NELL1: variants seen among roughly 807,000 people sequenced by gnomAD.
NELL1 encodes the protein neural EGFL like 1, also known as protein kinase C-binding protein NELL1.
A neutral mutation model predicts 107.4 loss-of-function variants in NELL1; 76 were observed. That is an observed-to-expected ratio of 0.71 (90% confidence interval 0.59 to 0.86). NELL1 has a LOEUF of 0.86. NELL1 is among the 40% of genes least tolerant of loss of function. The pLI is 0.00. For missense variants in NELL1, 1,024 were observed against 1,005.5 expected (o/e 1.02, Z -0.25); for synonymous variants, 353 against 341.2 (o/e 1.03, Z -0.38).
At position 20,976,138 on chromosome 11, in the gene NELL1, TAC is replaced by T. The variant is rs374623270; in HGVS notation, c.1300+15584_1300+15585del. Reference sequence around the variant, plus strand: ...CATATATGTATTATGTATACACATGTACACACATGTATATATATACACACATT... The same window carrying T: ...CATATATGTATTATGTATACACATGTACACATGTATATATATACACACATT... On this transcript the variant is annotated intron_variant, in intron 12 of 19. Transcript: ENST00000357134. Among the ~76,000 whole-genome samples the T allele has an allele frequency of 3.5e-4, 37 of 104,414 alleles. 1 individual carries two copies. In the East Asian group the frequency reaches 8.9e-3, roughly 25 times the overall value. The allele number at this position is 104,414 out of a possible 152,430, so 68.5% of individuals were successfully genotyped here.
chr11:20,681,859 G>A (rs1488386816), intron 2 of NELL1, among the ~76,000 whole-genome samples: 1 of 151,980 alleles, frequency 6.6e-6, no homozygotes, highest in Non-Finnish European at 1.5e-5. Flanking sequence ...GGCTGCATCA[G>A]TCCAAGGTCG....
intron 3 of NELL1, among the ~76,000 whole-genome samples, chr11:20,795,791 T>A (rs890484696): frequency 5.9e-5 from 9 of 152,118 alleles, no homozygotes; most frequent in African/African-American, 2.2e-4. Flanking sequence ...CTTTTTTTTT[T>A]AAACAAAATT....
At position 21,565,926 on chromosome 11, in the gene NELL1, G is replaced by T. The variant is rs1856961931; in HGVS notation, c.1981-4838G>T. The stretch of plus-strand genomic sequence containing the variant: ...AAGATTGGAAATCACAGCTCAATTT[G>T]TGTGTGAGAAAGTAGAATAGGTGCG... On this transcript the variant is annotated intron_variant, in intron 17 of 19. Transcript: ENST00000357134. Among the ~76,000 whole-genome samples, 4 of 151,922 alleles carry T rather than the reference G, an allele frequency of 2.6e-5. No individual in the cohort carries two copies. The South Asian group carries it at 8.3e-4, about 31-fold the overall frequency.
chr11:20,704,883 G>A (rs573208331), intron 2 of NELL1, among the ~76,000 whole-genome samples: 3 of 152,238 alleles, frequency 2.0e-5, no homozygotes, highest in South Asian at 2.1e-4. Context: ...CAAACAGAGA[G>A]CCAAATCATG....
chr11:21,418,467 T>A (rs779228274), intron 15 of NELL1, among the ~76,000 whole-genome samples: 7 of 152,004 alleles, frequency 4.6e-5, no homozygotes, highest in Non-Finnish European at 1.0e-4. Flanking sequence ...AATAAATAAA[T>A]CAAAATAGAA....
chr11:20,877,772 T>A (rs746511567), intron 4 of NELL1, among the ~76,000 whole-genome samples: 8 of 152,176 alleles, frequency 5.3e-5, no homozygotes, highest in Non-Finnish European at 1.0e-4. Context: ...TGGTATTATA[T>A]TAGAAATGAG....
chr11:21,184,351 C>T (rs886719171), intron 13 of NELL1, among the ~76,000 whole-genome samples: 1 of 151,734 alleles, frequency 6.6e-6, no homozygotes, highest in Non-Finnish European at 1.5e-5. Context: ...TCACTGCAAC[C>T]TCCGCCTCCT....
chr11:20,739,165 G>T (rs1043659461), intron 2 of NELL1, among the ~76,000 whole-genome samples: 1 of 152,234 alleles, frequency 6.6e-6, no homozygotes, highest in African/African-American at 2.4e-5. Context: ...TCTGTTGGAC[G>T]CACTGCCTGA....
At chr11:20,937,070 G>C (rs1346588701) in intron 9 of NELL1, among the ~76,000 whole-genome samples, 1 of 152,194 alleles carries the variant, frequency 6.6e-6, no homozygotes, top group Non-Finnish European at 1.5e-5. Flanking sequence ...ATATCAAATT[G>C]ACATATGCTG....
chr11:21,485,841 C>G (rs574758322), intron 15 of NELL1, among the ~76,000 whole-genome samples: 2 of 152,062 alleles, frequency 1.3e-5, no homozygotes, highest in East Asian at 3.9e-4. Context: ...GACATCCAGG[C>G]GCCTGCAGAT....
intron 2 of NELL1, among the ~76,000 whole-genome samples, chr11:20,744,082 C>T (rs1855949267): frequency 1.3e-5 from 2 of 152,278 alleles, no homozygotes; most frequent in Admixed American, 1.3e-4. Flanking sequence ...AATTAGATCA[C>T]ATCTCACTGT....
chr11:20,746,162 G>T (rs1258669331), intron 2 of NELL1, among the ~76,000 whole-genome samples: 2 of 152,198 alleles, frequency 1.3e-5, no homozygotes, highest in Admixed American at 6.5e-5. Flanking sequence ...GACTGTGGTT[G>T]CAGATACTCC....
At chr11:20,678,464 T>C (rs1020542121) in intron 2 of NELL1, among the ~76,000 whole-genome samples, 3 of 152,206 alleles carry the variant, frequency 2.0e-5, no homozygotes, top group African/African-American at 7.2e-5. Context: ...GGAAAACTTA[T>C]GGCTGCATTC....
chr11:21,558,173 T>C (rs1287682220), intron 16 of NELL1, among the ~76,000 whole-genome samples: 1 of 151,820 alleles, frequency 6.6e-6, no homozygotes, highest in Admixed American at 6.6e-5. Context: ...TCATTCCCTA[T>C]AGGACAAGAA....
At chr11:21,506,017 A>C (rs1201461069) in intron 15 of NELL1, among the ~76,000 whole-genome samples, 1 of 152,232 alleles carries the variant, frequency 6.6e-6, no homozygotes, top group Non-Finnish European at 1.5e-5. Context: ...AGAGTCTCAT[A>C]ATATGATACC....
chr11:21,477,298 C>G (rs1854361897), intron 15 of NELL1, among the ~76,000 whole-genome samples: 2 of 152,104 alleles, frequency 1.3e-5, no homozygotes, highest in African/African-American at 4.8e-5. Context: ...AAGCAGAGTC[C>G]TGATGCCCAC....
At chr11:21,538,837 GTCAA>G (rs1033858789) in intron 16 of NELL1, among the ~76,000 whole-genome samples, 4 of 152,154 alleles carry the variant, frequency 2.6e-5, no homozygotes, top group African/African-American at 4.8e-5. Flanking sequence ...TCCTCGGAAT[GTCAA>G]TCAGTTTCCA....
intron 15 of NELL1, among the ~76,000 whole-genome samples, chr11:21,465,402 A>G (rs964960127): frequency 6.6e-6 from 1 of 152,104 alleles, no homozygotes; most frequent in African/African-American, 2.4e-5. Flanking sequence ...TCTTTTTACT[A>G]TGCAACCTGC....
intron 12 of NELL1, among the ~76,000 whole-genome samples, chr11:20,964,839 A>G (rs1036817901): frequency 6.6e-6 from 1 of 152,106 alleles, no homozygotes; most frequent in South Asian, 2.1e-4. Context: ...AAAACTGGCA[A>G]TGTTCCAGGT....
Sources: gnomAD v4.1 joint callset for allele counts (sites outside exome capture counted in the v4.1 genomes callset) on GRCh38, gnomAD v4.1.1 for gene constraint, MANE v1.5 for transcripts, NCBI Gene and HGNC (gene_info 2026-07-23, HGNC 2026-07-21) for gene names.